Variants in SIRT1 observed in about 807,000 individuals in gnomAD.
The protein encoded by SIRT1 is NAD-dependent protein deacetylase sirtuin-1.
In SIRT1, 24 loss-of-function variants were observed where a neutral mutation model predicts 67.9. The observed-to-expected ratio is 0.35, with a 90% CI of 0.26 to 0.50. The LOEUF is 0.50. SIRT1 is among the 20% of genes least tolerant of loss of function. The pLI is 0.98. For missense variants in SIRT1, 873 were observed against 937.2 expected (o/e 0.93, Z 0.89); for synonymous variants, 378 against 350.7 (o/e 1.08, Z -0.87).
At chr10:67,886,027 C>T (rs1231299596) in intron 1 of SIRT1, among the ~76,000 whole-genome samples, 13 of 143,678 alleles carry the variant, frequency 9.0e-5, no homozygotes, top group Non-Finnish European at 1.9e-4. Flanking sequence ...CTCAGTGCAA[C>T]CTCCGCCTCC....
At chr10:67,888,357 C>A (rs1439630445) in intron 2 of SIRT1, among the ~76,000 whole-genome samples, 7 of 152,030 alleles carry the variant, frequency 4.6e-5, no homozygotes, top group African/African-American at 1.7e-4. Flanking sequence ...TTTGAGCAAT[C>A]TCAGGGTAAA....
At chr10:67,886,643 AATTT>A (rs1341499324) in intron 1 of SIRT1, among the ~76,000 whole-genome samples, 1 of 152,020 alleles carries the variant, frequency 6.6e-6, no homozygotes, top group Non-Finnish European at 1.5e-5. Flanking sequence ...GTTGAGTACT[AATTT>A]ATTATTTACC....
chr10:67,910,693 C>T lies in SIRT1; in HGVS notation c.1357+1251C>T, dbSNP rs149565100. Among the ~76,000 whole-genome samples the T allele has an allele frequency of 2.7e-3, 405 of 152,222 alleles. 1 individual carries two copies. Among genetic ancestry groups the T allele is most frequent in the African/African-American group, 9.0e-3 (375 of 41,542 alleles). On this transcript the variant is annotated intron_variant, in intron 7 of 8. Transcript: ENST00000212015. The stretch of plus-strand genomic sequence containing the variant: ...TCTTGTAGTAACAGCCATGCCATAA[C>T]GGTGATATGTCGATATAGTTTACCC...
chr10:67,910,030 G>A (rs930698690), intron 7 of SIRT1, among the ~76,000 whole-genome samples: 2 of 151,976 alleles, frequency 1.3e-5, no homozygotes, highest in Non-Finnish European at 2.9e-5. Context: ...TTTTTAGGTG[G>A]CATTGTTCAT....
chr10:67,896,114 T>A (rs1251415807), intron 4 of SIRT1, among the ~76,000 whole-genome samples: 1 of 150,692 alleles, frequency 6.6e-6, no homozygotes, highest in Non-Finnish European at 1.5e-5. Context: ...GTTAGAGCAG[T>A]TTCTTAAATT....
At chr10:67,900,495 TGTA>T (rs1314272303) in intron 4 of SIRT1, among the ~76,000 whole-genome samples, 3 of 152,040 alleles carry the variant, frequency 2.0e-5, no homozygotes, top group Non-Finnish European at 4.4e-5. Context: ...CAAGCTGGAG[TGTA>T]GTAGTGTGAT....
At chr10:67,913,174 A>AGATTTACCTTTCTGATT in intron 8 of SIRT1, 143 bp downstream of exon 8, 1 of 819,060 alleles carries the variant, frequency 1.2e-6, no homozygotes, top group Non-Finnish European at 1.8e-6. Flanking sequence ...CGTAATCAGA[A>AGATTTACCTTTCTGATT]AGGTAAATCT....
Position 67,916,770 on chromosome 10 carries a change from T to C in SIRT1, c.*177T>C, listed in dbSNP as rs1288958783. Reference sequence around the variant, plus strand: ...ATTTTTAACTTCATTATTTCTGTACTTGTACAAACTCAACACTAACTTTTT... The same window carrying C: ...ATTTTTAACTTCATTATTTCTGTACCTGTACAAACTCAACACTAACTTTTT... On this transcript the variant is annotated 3_prime_UTR_variant, in exon 9 of 9. Coordinates refer to ENST00000212015, the MANE Select transcript of SIRT1 (RefSeq NM_012238.5). 1 of 458,754 alleles carries C rather than the reference T, an allele frequency of 2.2e-6. No homozygotes were observed. Among genetic ancestry groups the C allele is most frequent in the East Asian group, 3.2e-5 (1 of 30,976 alleles). The allele number at this position is 458,754 out of a possible 1,614,324, so 28.4% of individuals were successfully genotyped here.
rs193071795 is a variant in SIRT1, at chr10:67,885,389, G to T, written c.430+238G>T. On this transcript the variant is annotated intron_variant, in intron 1 of 8. Transcript: ENST00000212015. ...CCGCCTGGGCGGCCTTGTTCTTTCC[G>T]CAGCAGCCAGGTCGGGAGACTCTCG... 350 of 1,230,170 alleles carry T rather than the reference G, an allele frequency of 2.8e-4. 1 individual carries two copies. Among genetic ancestry groups the T allele is most frequent in the Non-Finnish European group, 3.0e-4 (298 of 987,248 alleles). 76.2% of individuals were successfully genotyped at this position (1,230,170 alleles called of 1,614,324 possible).
rs111354406 is a variant in SIRT1, at chr10:67,887,730, C to A, written c.547+197C>A. Among the ~76,000 whole-genome samples, 3 of 152,334 alleles carry A rather than the reference C, an allele frequency of 2.0e-5. 1 individual carries two copies. The highest frequency in any genetic ancestry group is 7.2e-5 in the African/African-American group (3 of 41,580). ...CAGCTGGGATTACATGCATATGCCA[C>A]TACGCCCGGCTAATTTTGAATTTTT... On this transcript the variant is annotated intron_variant, in intron 2 of 8. Coordinates refer to ENST00000212015, the MANE Select transcript of SIRT1 (RefSeq NM_012238.5).
chr10:67,913,294 T>C (rs933002021), intron 8 of SIRT1, among the ~76,000 whole-genome samples: 2 of 152,170 alleles, frequency 1.3e-5, no homozygotes, highest in Non-Finnish European at 2.9e-5. Context: ...GCAGAAATGA[T>C]GACAGATTTG....
At chr10:67,908,179 T>G in intron 6 of SIRT1, 54 bp downstream of exon 6, 1 of 1,479,562 alleles carries the variant, frequency 6.8e-7, no homozygotes, top group Non-Finnish European at 9.4e-7. Flanking sequence ...GTATTTCTTC[T>G]TTTGCCTCAA....
intron 8 of SIRT1, among the ~76,000 whole-genome samples, chr10:67,915,503 G>C (rs190362480): frequency 2.6e-4 from 39 of 152,268 alleles, no homozygotes; most frequent in Admixed American, 1.6e-3. Context: ...GTCTTAGACT[G>C]TATGTGTATA....
At position 67,916,654 on chromosome 10, in the gene SIRT1, A is replaced by T; in HGVS notation, c.*61A>T. On this transcript the variant is annotated 3_prime_UTR_variant, in exon 9 of 9. Transcript: ENST00000212015. ...AGCATTAGGAACTTTAGCATGTCAAAATGAATGTTTACTTGTGAACTCGAT... is the reference window on the plus strand; with the variant it reads ...AGCATTAGGAACTTTAGCATGTCAATATGAATGTTTACTTGTGAACTCGAT... The T allele has an allele frequency of 7.2e-7, 1 of 1,398,296 alleles. No homozygotes were observed. Among genetic ancestry groups the T allele is most frequent in the Non-Finnish European group, 9.8e-7 (1 of 1,024,698 alleles). 86.6% of individuals were successfully genotyped at this position (1,398,296 alleles called of 1,614,324 possible). A position where few individuals can be genotyped will look rare whatever the true frequency, so the allele number is the denominator to read the frequency against.
In SIRT1 at chr10:67,890,146, C is replaced by T. The variant is rs34294800; in HGVS notation, c.789+1023C>T. The stretch of plus-strand genomic sequence containing the variant: ...TCTTGGCTCACTGCAACCTCTGCCT[C>T]CTGGGTTCAAGCAATTCTCTTGCCT... On this transcript the variant is annotated intron_variant, in intron 3 of 8. Coordinates refer to ENST00000212015, the MANE Select transcript of SIRT1 (RefSeq NM_012238.5). 0.03 allele frequency among the ~76,000 whole-genome samples: 4,530 copies of T among 151,962 alleles called. 508 individuals are homozygous for T. In the East Asian group the frequency reaches 0.41, roughly 14 times the overall value.
intron 5 of SIRT1, among the ~76,000 whole-genome samples, chr10:67,907,501 A>AAAAG (rs1447488382): frequency 1.3e-5 from 2 of 148,370 alleles, no homozygotes; most frequent in African/African-American, 2.5e-5. Flanking sequence ...AAAAAAAAAA[A>AAAAG]AAAAAAAGAA....
rs180993650 is a variant in SIRT1 at position 67,904,788 on chromosome 10, G to A, written c.943-2002G>A. On this transcript the variant is annotated intron_variant, in intron 4 of 8. Coordinates refer to ENST00000212015, the MANE Select transcript of SIRT1 (RefSeq NM_012238.5). ...GAACCCGGGAGGTGGAGGTTGTGGT[G>A]AGCTGAGATCGCGCCATTGCACTCC... Among the ~76,000 whole-genome samples, 70 of 151,508 alleles carry A rather than the reference G, an allele frequency of 4.6e-4. No individual in the cohort carries two copies. The East Asian group carries it at 0.013, about 28-fold the overall frequency.
At chr10:67,914,503 T>TA (rs372563350) in intron 8 of SIRT1, among the ~76,000 whole-genome samples, 6 of 152,284 alleles carry the variant, frequency 3.9e-5, no homozygotes, top group African/African-American at 1.4e-4. Context: ...GAGGGATGCT[T>TA]ACGTTTGCAA....
intron 5 of SIRT1, among the ~76,000 whole-genome samples, chr10:67,907,674 C>G (rs1390152556): frequency 6.6e-6 from 1 of 152,004 alleles, no homozygotes; most frequent in Non-Finnish European, 1.5e-5. Context: ...TAAAGTGTTT[C>G]TAAGAACTGC....
Sources: allele counts gnomAD v4.1 joint callset (sites outside exome capture counted in the v4.1 genomes callset), GRCh38; gene constraint gnomAD v4.1.1; transcripts MANE v1.5; gene names NCBI Gene and HGNC (gene_info 2026-07-23, HGNC 2026-07-21).